Variants in WWOX observed in about 807,000 individuals in gnomAD.
WWOX encodes the protein WW domain containing oxidoreductase.
In WWOX, 69 loss-of-function variants were observed where a neutral mutation model predicts 46.2. The ratio of observed to expected loss-of-function variants is 1.49; its 90% confidence interval spans 1.23 to 1.82. The LOEUF is 1.82. Among genes scored for constraint, WWOX ranks in the 40% most tolerant of loss-of-function variants. The pLI is 0.00. For missense variants in WWOX, 919 were observed against 542.6 expected (o/e 1.69, Z -6.89); for synonymous variants, 359 against 202.6 (o/e 1.77, Z -6.56).
At chr16:78,807,786 C>T (rs1292955440) in intron 8 of WWOX, among the ~76,000 whole-genome samples, 2 of 152,192 alleles carry the variant, frequency 1.3e-5, no homozygotes. Flanking sequence ...ATACGGTAGC[C>T]ATTAGCCACA....
At chr16:78,875,927 A>T (rs1219994015) in intron 8 of WWOX, among the ~76,000 whole-genome samples, 2 of 152,178 alleles carry the variant, frequency 1.3e-5, no homozygotes, top group Non-Finnish European at 2.9e-5. Context: ...TTAGCCTATT[A>T]GTACCTGGGA....
chr16:78,740,761 G>A (rs1196717138), intron 8 of WWOX, among the ~76,000 whole-genome samples: 2 of 152,138 alleles, frequency 1.3e-5, no homozygotes, highest in African/African-American at 4.8e-5. Context: ...GTCCACCCTG[G>A]TGGATATCTT....
chr16:78,630,805 G>A (rs1047667200), intron 8 of WWOX, among the ~76,000 whole-genome samples: 1 of 152,166 alleles, frequency 6.6e-6, no homozygotes, highest in African/African-American at 2.4e-5. Flanking sequence ...CTAAGACATA[G>A]TTGGGACCAG....
chr16:79,035,969 G>T (rs1472782668), intron 8 of WWOX, among the ~76,000 whole-genome samples: 1 of 152,180 alleles, frequency 6.6e-6, no homozygotes, highest in Non-Finnish European at 1.5e-5. Flanking sequence ...ATTGCCACCA[G>T]CATCCCTTGG....
intron 8 of WWOX, among the ~76,000 whole-genome samples, chr16:78,759,664 C>T (rs1197452793): frequency 6.6e-6 from 1 of 152,174 alleles, no homozygotes; most frequent in Non-Finnish European, 1.5e-5. Context: ...TTGGAAGAAG[C>T]AGGGCTGGAA....
At chr16:79,125,784 T>C (rs958094186) in intron 8 of WWOX, among the ~76,000 whole-genome samples, 1 of 152,242 alleles carries the variant, frequency 6.6e-6, no homozygotes, top group African/African-American at 2.4e-5. Context: ...TCAGAGCCCC[T>C]TGTGCTAAAT....
rs142794468 is a variant in WWOX, at chr16:78,417,619, C to A, written c.606-7251C>A. 2.6e-4 allele frequency among the ~76,000 whole-genome samples: 40 copies of A among 152,278 alleles called. No individual in the cohort carries two copies. In the East Asian group the frequency reaches 7.5e-3, roughly 29 times the overall value. On this transcript the variant is annotated intron_variant, in intron 6 of 8. Coordinates refer to ENST00000566780, the MANE Select transcript of WWOX (RefSeq NM_016373.4). ...TCTCTCTTCACTTTGCCCATCTTTC[C>A]CTCTTCCCCGCAAGGTTTTTAGCAG...
At chr16:78,544,858 G>A (rs143414386) in intron 8 of WWOX, among the ~76,000 whole-genome samples, 1 of 152,016 alleles carries the variant, frequency 6.6e-6, no homozygotes, top group Non-Finnish European at 1.5e-5. Flanking sequence ...ATGCGTGACA[G>A]AGTGAGACTA....
chr16:78,616,697 C>T lies in WWOX; in HGVS notation c.1056+183945C>T, dbSNP rs1437173134. Among the ~76,000 whole-genome samples, 3 of 151,854 alleles carry T rather than the reference C, an allele frequency of 2.0e-5. No homozygotes were observed. In the East Asian group the frequency reaches 5.8e-4, roughly 29 times the overall value. ...GGCAGAATTGCTTGAACCTGGGAGGCAGTGGTTGCAGTGAGCTGAGATGGT... is the reference window on the plus strand; with the variant it reads ...GGCAGAATTGCTTGAACCTGGGAGGTAGTGGTTGCAGTGAGCTGAGATGGT... On this transcript the variant is annotated intron_variant, in intron 8 of 8. Coordinates refer to ENST00000566780, the MANE Select transcript of WWOX (RefSeq NM_016373.4).
chr16:78,194,121 G>T (rs1382663343), intron 5 of WWOX, among the ~76,000 whole-genome samples: 1 of 151,560 alleles, frequency 6.6e-6, no homozygotes, highest in African/African-American at 2.4e-5. Context: ...CTCGTGATCC[G>T]TCCGCCTCGG....
At chr16:78,499,095 G>C (rs2084989834) in intron 8 of WWOX, among the ~76,000 whole-genome samples, 1 of 152,182 alleles carries the variant, frequency 6.6e-6, no homozygotes. Flanking sequence ...AACTGAGTTT[G>C]ATTAAAGCTG....
chr16:78,468,243 A>G (rs77921144), intron 8 of WWOX, among the ~76,000 whole-genome samples: 268 of 149,600 alleles, frequency 1.8e-3, no homozygotes, highest in African/African-American at 6.2e-3. Context: ...TTAGCTTAGC[A>G]TGCTGTTCTA....
At chr16:78,423,269 T>C (rs528325667) in intron 6 of WWOX, among the ~76,000 whole-genome samples, 203 of 152,340 alleles carry the variant, frequency 1.3e-3, no homozygotes, top group African/African-American at 4.7e-3. Context: ...GATAATAAAA[T>C]ACATTAAATT....
intron 8 of WWOX, among the ~76,000 whole-genome samples, chr16:78,468,014 C>T (rs568240103): frequency 3.3e-5 from 5 of 152,170 alleles, no homozygotes; most frequent in African/African-American, 9.6e-5. Flanking sequence ...GGTATATTTT[C>T]TTTACTGTTT....
chr16:78,210,963 G>T lies in WWOX; in HGVS notation c.516+46674G>T, dbSNP rs190089371. Among the ~76,000 whole-genome samples, 4 of 152,264 alleles carry T rather than the reference G, an allele frequency of 2.6e-5. No individual in the cohort carries two copies. In the East Asian group the frequency reaches 7.7e-4, roughly 29 times the overall value. On this transcript the variant is annotated intron_variant, in intron 5 of 8. Coordinates refer to ENST00000566780, the MANE Select transcript of WWOX (RefSeq NM_016373.4). ...ATTTAAGTACATCTGGGATAAAGTGGCCTTGGCTTTAACTATGAAACAAAT... is the reference window on the plus strand; with the variant it reads ...ATTTAAGTACATCTGGGATAAAGTGTCCTTGGCTTTAACTATGAAACAAAT...
chr16:79,187,194 G>C (rs1033915008), intron 8 of WWOX, among the ~76,000 whole-genome samples: 2 of 152,130 alleles, frequency 1.3e-5, no homozygotes, highest in Non-Finnish European at 2.9e-5. Context: ...TAAATGCTGC[G>C]TACTTCATTT....
At chr16:78,610,050 C>T (rs1011244246) in intron 8 of WWOX, among the ~76,000 whole-genome samples, 7 of 146,284 alleles carry the variant, frequency 4.8e-5, no homozygotes, top group African/African-American at 1.8e-4. Flanking sequence ...TGTCCGATTG[C>T]GATCTCGCTG....
chr16:78,627,176 A>T (rs941656673), intron 8 of WWOX, among the ~76,000 whole-genome samples: 8 of 151,892 alleles, frequency 5.3e-5, no homozygotes, highest in Non-Finnish European at 1.0e-4. Context: ...CCCACTTTAC[A>T]TTTTACTTTG....
chr16:78,832,791 A>T (rs1291642187), intron 8 of WWOX, among the ~76,000 whole-genome samples: 1 of 152,044 alleles, frequency 6.6e-6, no homozygotes, highest in Admixed American at 6.6e-5. Flanking sequence ...TACAGAGGAA[A>T]CCTTGAGCTT....
Sources: allele counts gnomAD v4.1 joint callset (sites outside exome capture counted in the v4.1 genomes callset), GRCh38; gene constraint gnomAD v4.1.1; transcripts MANE v1.5; gene names NCBI Gene and HGNC (gene_info 2026-07-23, HGNC 2026-07-21).